CNKSR1: variants seen among roughly 807,000 people sequenced by gnomAD.
CNKSR1 encodes CNK homolog protein 1.
Under a neutral mutation model 95.6 loss-of-function variants are expected in CNKSR1, and 88 were observed. The ratio of observed to expected loss-of-function variants is 0.92; its 90% CI spans 0.78 to 1.10. The LOEUF (loss-of-function observed/expected upper bound fraction) is 1.10. Ranked by LOEUF, CNKSR1 falls within the 50% of genes least tolerant of loss-of-function variation. The probability of loss-of-function intolerance (pLI) is 0.00; values close to 1 mark genes in which losing one functional copy is unlikely to be tolerated. For missense variants in CNKSR1, 836 were observed against 912.0 expected (o/e 0.92, Z 1.07); for synonymous variants, 355 against 369.7 (o/e 0.96, Z 0.46).
Position 26,187,155 on chromosome 1 carries a change from G to A in CNKSR1, c.1309-13G>A, listed in dbSNP as rs2124515426. 1 of 1,612,256 alleles carries A rather than the reference G, an allele frequency of 6.2e-7. No homozygotes were observed. Among genetic ancestry groups the A allele is most frequent in the Non-Finnish European group, 8.5e-7 (1 of 1,178,430 alleles). The stretch of plus-strand genomic sequence containing the variant: ...GGGGTTCCAACCTGACCCTCATGCT[G>A]TGATCCCCCCAGGATGAGAAGGCTG... On this transcript the variant is annotated splice_polypyrimidine_tract_variant and intron_variant, in intron 14 of 20. Coordinates refer to ENST00000361530, the MANE Select transcript of CNKSR1 (RefSeq NM_006314.3).
chr1:26,179,283 G>C (rs2088608173), intron 1 of CNKSR1, among the ~76,000 whole-genome samples: 1 of 152,212 alleles, frequency 6.6e-6, no homozygotes, highest in African/African-American at 2.4e-5. Context: ...TGGAGGCTCA[G>C]GGGCAGTGGG....
At chr1:26,180,650 AC>A in intron 2 of CNKSR1, 40 bp downstream of exon 2, 1 of 1,613,868 alleles carries the variant, frequency 6.2e-7, no homozygotes, top group South Asian at 1.1e-5. Context: ...GCTTCCACCA[AC>A]CTGGGGGGTG....
chr1:26,182,820 G>A (rs974407391), intron 6 of CNKSR1, among the ~76,000 whole-genome samples: 1 of 152,216 alleles, frequency 6.6e-6, no homozygotes, highest in Non-Finnish European at 1.5e-5. Flanking sequence ...GCCTTGGGAT[G>A]GAGACGGGGC....
Position 26,186,475 on chromosome 1 carries a change from G to GTTTGT in CNKSR1, c.1309-680_1309-676dup, listed in dbSNP as rs370928981. On this transcript the variant is annotated intron_variant, in intron 14 of 20. Transcript: ENST00000361530. ...GCCACCATGCCTAGCTAAGTTTTTT[G>GTTTGT]TTTGTTTTGTTTTGTTTGAGACGCA... Among the ~76,000 whole-genome samples the GTTTGT allele has an allele frequency of 3.9e-3, 583 of 150,354 alleles. 8 individuals carry two copies. The highest frequency in any genetic ancestry group is 0.014 in the African/African-American group (561 of 40,890).
chr1:26,188,507 A>G lies in CNKSR1; in HGVS notation c.1590+4A>G. On this transcript the variant is annotated splice_donor_region_variant and intron_variant, in intron 18 of 20. Coordinates refer to ENST00000361530, the MANE Select transcript of CNKSR1 (RefSeq NM_006314.3). ...GGCTGGGTCCCACTCAGCCTCGGTG[A>G]GTGGGGGGCTGCCGGGGGTAGGAGG... The G allele has an allele frequency of 1.2e-6, 2 of 1,602,938 alleles. No homozygotes were observed. The highest frequency in any genetic ancestry group is 1.7e-6 in the Non-Finnish European group (2 of 1,175,140).
At position 26,188,817 on chromosome 1, in the gene CNKSR1, AG is replaced by A. The variant is rs766502169; in HGVS notation, c.1739del (p.Gly580ValfsTer6). ...GAAGGAATGGTACGGGGGCTGAGGC[AG>A]GGTGGCGTGTCCCTCCTAGGCCAGC... ...ALEGMVRGLR[Q>X]GGVSLLGQPQ... On this transcript the variant is annotated frameshift_variant, in exon 20 of 21. Transcript: ENST00000361530. LOFTEE classifies it high-confidence loss of function. 64 of 1,612,382 alleles carry A rather than the reference AG, an allele frequency of 4.0e-5. No individual in the cohort carries two copies. Among genetic ancestry groups the A allele is most frequent in the Non-Finnish European group, 5.1e-5 (60 of 1,179,384 alleles).
intron 4 of CNKSR1, 39 bp downstream of exon 4, chr1:26,181,980 A>T (rs1192113405): frequency 6.4e-6 from 10 of 1,573,284 alleles, no homozygotes; most frequent in Non-Finnish European, 8.7e-6. Context: ...CATGCCCTAG[A>T]GACCAAGCTG....
intron 2 of CNKSR1, 36 bp downstream of exon 2, chr1:26,180,646 A>G (rs780423397): frequency 1.1e-5 from 17 of 1,613,992 alleles, no homozygotes; most frequent in Middle Eastern, 1.6e-4. Flanking sequence ...TGCAGCTTCC[A>G]CCAACCTGGG....
At chr1:26,187,582 T>C (rs1301758596) in intron 16 of CNKSR1, 100 bp downstream of exon 16, 1 of 1,160,742 alleles carries the variant, frequency 8.6e-7, no homozygotes, top group African/African-American at 1.5e-5. Flanking sequence ...ATTCCAGCTC[T>C]CTGAGAGTGG....
At chr1:26,177,654 C>G (rs2088582924) in intron 1 of CNKSR1, 55 bp downstream of exon 1, 7 of 1,595,288 alleles carry the variant, frequency 4.4e-6, no homozygotes, top group Non-Finnish European at 3.4e-6. Context: ...TGGTGTCCCA[C>G]CGGGAAGCGG....
In CNKSR1 at chr1:26,188,503, G is replaced by T; in HGVS notation, c.1590G>T (p.Ser530=). 2 of 1,602,614 alleles carry T rather than the reference G, an allele frequency of 1.2e-6. No homozygotes were observed. Among genetic ancestry groups the T allele is most frequent in the Non-Finnish European group, 1.7e-6 (2 of 1,174,924 alleles). ...PDDEAGSHSA[S]PSPAQAGSPL... ...ATGAGGCTGGGTCCCACTCAGCCTC[G>T]GTGAGTGGGGGGCTGCCGGGGGTAG... The change falls in exon 18 of 21, where the codon TCG becomes TCT. Residue 530 remains serine, a splice_region_variant and synonymous_variant. Transcript: ENST00000361530.
chr1:26,186,990 C>A, intron 14 of CNKSR1, 178 bp from the exon 15 acceptor site: 1 of 631,772 alleles, frequency 1.6e-6, no homozygotes, highest in Non-Finnish European at 2.9e-6. Context: ...TTGGCCACAT[C>A]TCCTACCCTG....
chr1:26,182,569 G>T lies in CNKSR1; in HGVS notation c.609G>T (p.Gln203His), dbSNP rs1225701226. 1 of 1,612,976 alleles carries T rather than the reference G, an allele frequency of 6.2e-7. No individual in the cohort carries two copies. The highest frequency in any genetic ancestry group is 1.1e-5 in the South Asian group (1 of 91,016). The change falls in exon 6 of 21, where the codon CAG (glutamine) becomes CAT (histidine). Residue 203 changes from glutamine to histidine, a missense_variant. Coordinates refer to ENST00000361530, the MANE Select transcript of CNKSR1 (RefSeq NM_006314.3). ...LEQKAVLEQV[Q>H]LDSPLGLEIH... is the part of the protein sequence containing the mutation. Reference sequence around the variant, plus strand: ...AGAAGGCCGTGCTCGAGCAGGTGCAGCTGGACAGTCCATTGGTGAGCCCTG... The same window carrying T: ...AGAAGGCCGTGCTCGAGCAGGTGCATCTGGACAGTCCATTGGTGAGCCCTG...
chr1:26,182,114 C>A, intron 4 of CNKSR1, 173 bp downstream of exon 4: 2 of 753,750 alleles, frequency 2.7e-6, no homozygotes, highest in Non-Finnish European at 2.3e-6. Context: ...GGTCCCCTAG[C>A]TGGCAGGGGA....
Position 26,182,596 on chromosome 1 carries a change from C to T in CNKSR1, c.624+12C>T, listed in dbSNP as rs1557621048. On this transcript the variant is annotated intron_variant, in intron 6 of 20. Coordinates refer to ENST00000361530, the MANE Select transcript of CNKSR1 (RefSeq NM_006314.3). ...TGGACAGTCCATTGGTGAGCCCTGC[C>T]CTCCCACCTCTCACTTCTGACCCCT... 1 of 1,606,596 alleles carries T rather than the reference C, an allele frequency of 6.2e-7. No homozygotes were observed. The highest frequency in any genetic ancestry group is 2.2e-5 in the East Asian group (1 of 44,754).
rs2088829700 is a variant in CNKSR1, at chr1:26,189,635, G to A, written c.*87G>A. On this transcript the variant is annotated 3_prime_UTR_variant, in exon 21 of 21. Transcript: ENST00000361530. ...ACGTGTCCAGGACAGAGCATCCCTG[G>A]ATTCTGTTCAGGGTGGGAAGTAGTA... 1.2e-6 allele frequency: 1 copy of A among 811,090 alleles called. No homozygotes were observed. Among genetic ancestry groups the A allele is most frequent in the Non-Finnish European group, 2.2e-6 (1 of 446,076 alleles). 50.2% of individuals were successfully genotyped at this position (811,090 alleles called of 1,614,324 possible).
In CNKSR1 at chr1:26,183,274, T is replaced by G. The variant is rs2088678081; in HGVS notation, c.684+18T>G. ...ACACCCAGGTGAGAGCCCCACACCCTTCTCAGCCGCCCATCCCCGAGGCCT... is the reference window on the plus strand; with the variant it reads ...ACACCCAGGTGAGAGCCCCACACCCGTCTCAGCCGCCCATCCCCGAGGCCT... On this transcript the variant is annotated intron_variant, in intron 7 of 20. Coordinates refer to ENST00000361530, the MANE Select transcript of CNKSR1 (RefSeq NM_006314.3). The G allele has an allele frequency of 6.2e-7, 1 of 1,614,026 alleles. No homozygotes were observed. The highest frequency in any genetic ancestry group is 1.3e-5 in the African/African-American group (1 of 74,912).
chr1:26,184,020 A>G, intron 9 of CNKSR1, 51 bp from the exon 10 acceptor site: 2 of 1,391,406 alleles, frequency 1.4e-6, no homozygotes, highest in Non-Finnish European at 2.0e-6. Context: ...TTGCCCCCCA[A>G]CCTGCTTTCA....
chr1:26,181,943 TAGG>T lies in CNKSR1; in HGVS notation c.477+5_477+7del. ...GAGCTGAGCCAGGTCTTGCATGAGG[TAGG>T]AGAACCAAGGGCCAGGCTTGGCCCA... On this transcript the variant is annotated splice_donor_5th_base_variant and intron_variant, in intron 4 of 20. Transcript: ENST00000361530. 3 of 1,613,824 alleles carry T rather than the reference TAGG, an allele frequency of 1.9e-6. No homozygotes were observed. Among genetic ancestry groups the T allele is most frequent in the Non-Finnish European group, 2.5e-6 (3 of 1,179,804 alleles).
Sources: gnomAD v4.1 joint callset for allele counts (sites outside exome capture counted in the v4.1 genomes callset) on GRCh38, gnomAD v4.1.1 for gene constraint, MANE v1.5 for transcripts, NCBI Gene and HGNC (gene_info 2026-07-23, HGNC 2026-07-21) for gene names.